Variants in FHIT observed in about 807,000 individuals in gnomAD.
FHIT encodes the protein fragile histidine triad diadenosine triphosphatase, also known as bis(5'-adenosyl)-triphosphatase.
A neutral mutation model predicts 17.9 loss-of-function variants in FHIT; 19 were observed. The ratio of observed to expected loss-of-function variants is 1.06; its 90% CI spans 0.74 to 1.56. The LOEUF (loss-of-function observed/expected upper bound fraction) is 1.56, where lower values mean the gene tolerates loss of function less well. Ranked by LOEUF, FHIT falls within the 40% of genes most tolerant of loss-of-function variation. The pLI is 0.00. For synonymous variants in FHIT, 81 were observed against 69.7 expected, an observed-to-expected ratio of 1.16 and a Z score of -0.81; for missense variants, 248 against 189.2, an observed-to-expected ratio of 1.31 and a Z score of -1.82.
chr3:60,454,432 T>A (rs1268169781), intron 5 of FHIT, among the ~76,000 whole-genome samples: 1 of 151,742 alleles, frequency 6.6e-6, no homozygotes, highest in East Asian at 1.9e-4. Flanking sequence ...TCACCCAGGC[T>A]GGAGTGCACT....
intron 5 of FHIT, among the ~76,000 whole-genome samples, chr3:60,333,188 A>G (rs1710071219): frequency 6.6e-6 from 1 of 152,226 alleles, no homozygotes; most frequent in African/African-American, 2.4e-5. Context: ...CCAATGCTGA[A>G]CAATGTGACA....
intron 5 of FHIT, among the ~76,000 whole-genome samples, chr3:60,136,559 A>C (rs1376074509): frequency 6.6e-6 from 1 of 152,168 alleles, no homozygotes; most frequent in Non-Finnish European, 1.5e-5. Flanking sequence ...GGGCTGAGCC[A>C]CTATCCAATT....
In FHIT at chr3:60,332,974, C is replaced by T. The variant is rs920666892; in HGVS notation, c.103+203886G>A. Among the ~76,000 whole-genome samples, 9 of 152,178 alleles carry T rather than the reference C, an allele frequency of 5.9e-5. 1 individual carries two copies. Among genetic ancestry groups the T allele is most frequent in the Non-Finnish European group, 1.5e-5 (1 of 68,030 alleles). On this transcript the variant is annotated intron_variant, in intron 5 of 9. Coordinates refer to ENST00000492590, the MANE Select transcript of FHIT (RefSeq NM_002012.4). ...TTAGGAACAATTTATTTAAAGAAAA[C>T]TCCATTTCCAGTATACTATGACTGT...
intron 8 of FHIT, among the ~76,000 whole-genome samples, chr3:59,763,132 G>T (rs185022726): frequency 2.6e-5 from 4 of 152,314 alleles, no homozygotes; most frequent in African/African-American, 9.6e-5. Flanking sequence ...TCAGAACAAG[G>T]AATGGGAAGA....
chr3:60,741,097 A>G (rs2042230847), intron 4 of FHIT, among the ~76,000 whole-genome samples: 1 of 152,206 alleles, frequency 6.6e-6, no homozygotes, highest in South Asian at 2.1e-4. Context: ...CTGGGTCTAA[A>G]CTATCAAAGT....
chr3:60,155,823 C>T (rs780390177), intron 5 of FHIT, among the ~76,000 whole-genome samples: 1 of 152,286 alleles, frequency 6.6e-6, no homozygotes, highest in East Asian at 1.9e-4. Flanking sequence ...GCCATCCACC[C>T]CACTCCAACC....
intron 4 of FHIT, chr3:60,690,196 T>C: frequency 2.1e-6 from 1 of 479,740 alleles, no homozygotes; most frequent in Admixed American, 2.3e-5. Context: ...AATGGTCTGG[T>C]GGTTAAGATA....
intron 5 of FHIT, among the ~76,000 whole-genome samples, chr3:60,177,983 T>G (rs1173285794): frequency 6.6e-6 from 1 of 152,208 alleles, no homozygotes; most frequent in African/African-American, 2.4e-5. Flanking sequence ...TGTGACTCAA[T>G]GCTGAGAGTC....
intron 5 of FHIT, among the ~76,000 whole-genome samples, chr3:60,208,808 G>C (rs1379458219): frequency 6.6e-6 from 1 of 152,086 alleles, no homozygotes; most frequent in Non-Finnish European, 1.5e-5. Flanking sequence ...TTTTTTGTAG[G>C]TGAATGACAT....
At chr3:59,954,657 T>C (rs1707304140) in intron 7 of FHIT, among the ~76,000 whole-genome samples, 1 of 152,124 alleles carries the variant, frequency 6.6e-6, no homozygotes, top group South Asian at 2.1e-4. Flanking sequence ...AATCAAAGCT[T>C]TGCTAAATGA....
At chr3:60,346,697 A>T (rs1710798197) in intron 5 of FHIT, among the ~76,000 whole-genome samples, 1 of 152,194 alleles carries the variant, frequency 6.6e-6, no homozygotes, top group South Asian at 2.1e-4. Context: ...TAGCTGAACT[A>T]AGGAACAAAG....
rs1434921794 is a variant in FHIT, at chr3:60,583,059, A to C, written c.-17-46080T>G. Among the ~76,000 whole-genome samples, 5 of 151,894 alleles carry C rather than the reference A, an allele frequency of 3.3e-5. No homozygotes were observed. The East Asian group carries it at 9.7e-4, about 30-fold the overall frequency. On this transcript the variant is annotated intron_variant, in intron 4 of 9. Coordinates refer to ENST00000492590, the MANE Select transcript of FHIT (RefSeq NM_002012.4). ...TCCCTATGCGTAAGACAAGCGTCTAAATCAGAACATGTCAACACAAGAAAA... is the reference window on the plus strand; with the variant it reads ...TCCCTATGCGTAAGACAAGCGTCTACATCAGAACATGTCAACACAAGAAAA...
At chr3:60,125,611 C>T (rs369069968) in intron 5 of FHIT, among the ~76,000 whole-genome samples, 25 of 137,860 alleles carry the variant, frequency 1.8e-4, no homozygotes, top group African/African-American at 6.2e-4. Flanking sequence ...GAACAAGACA[C>T]TGTCTCAAAA....
intron 5 of FHIT, among the ~76,000 whole-genome samples, chr3:60,360,428 T>C (rs1370380437): frequency 6.6e-6 from 1 of 152,068 alleles, no homozygotes; most frequent in African/African-American, 2.4e-5. Flanking sequence ...AGATACTAAA[T>C]AGTGAAGTGA....
chr3:61,176,646 A>G (rs1434711501), intron 2 of FHIT, among the ~76,000 whole-genome samples: 3 of 152,198 alleles, frequency 2.0e-5, no homozygotes, highest in Non-Finnish European at 2.9e-5. Context: ...GCTAATTCCA[A>G]CTAAACGTCT....
At chr3:61,126,459 T>TCTTA (rs1274854419) in intron 2 of FHIT, among the ~76,000 whole-genome samples, 6 of 152,042 alleles carry the variant, frequency 3.9e-5, no homozygotes, top group Non-Finnish European at 7.4e-5. Context: ...AAGAGGCACA[T>TCTTA]CTTACATGGT....
intron 5 of FHIT, among the ~76,000 whole-genome samples, chr3:60,371,977 T>G (rs549093751): frequency 6.6e-6 from 1 of 152,260 alleles, no homozygotes; most frequent in South Asian, 2.1e-4. Context: ...GGCACGGTCC[T>G]GCTAGTGACA....
intron 5 of FHIT, among the ~76,000 whole-genome samples, chr3:60,148,841 C>T (rs929134180): frequency 1.3e-5 from 2 of 152,164 alleles, no homozygotes; most frequent in Admixed American, 1.3e-4. Flanking sequence ...AAAGGCAGTG[C>T]TTCTCACTTA....
chr3:60,253,971 T>C (rs1488545421), intron 5 of FHIT, among the ~76,000 whole-genome samples: 1 of 152,212 alleles, frequency 6.6e-6, no homozygotes, highest in African/African-American at 2.4e-5. Context: ...TATTTCAAAA[T>C]AACTCAAACC....
Sources: gnomAD v4.1 joint callset for allele counts (sites outside exome capture counted in the v4.1 genomes callset) on GRCh38, gnomAD v4.1.1 for gene constraint, MANE v1.5 for transcripts, NCBI Gene and HGNC (gene_info 2026-07-23, HGNC 2026-07-21) for gene names.